SEL1L3: variants seen among roughly 807,000 people sequenced by gnomAD.
SEL1L3 encodes the protein SEL1L family member 3.
A neutral mutation model predicts 142.8 loss-of-function variants in SEL1L3; 76 were observed. That is an observed-to-expected ratio of 0.53 (90% CI 0.44 to 0.64). The LOEUF is 0.64. Ranked by LOEUF, SEL1L3 falls within the 30% of genes least tolerant of loss-of-function variation. The probability of loss-of-function intolerance (pLI) is 0.00; values close to 1 mark genes in which losing one functional copy is unlikely to be tolerated. For synonymous variants in SEL1L3, 504 were observed against 519.6 expected (o/e 0.97, Z 0.41); for missense variants, 1,262 against 1,381.7 (o/e 0.91, Z 1.37).
rs554097117 is a variant in SEL1L3, at chr4:25,792,952, T to C, written c.1957-2378A>G. On this transcript the variant is annotated intron_variant, in intron 11 of 23. Transcript: ENST00000399878. ...AGACACAGTTCCTACCCTGCAGTGA[T>C]TGATATTCTTAGGTCTTTCTGTCAG... 7.2e-5 allele frequency among the ~76,000 whole-genome samples: 11 copies of C among 152,358 alleles called. No homozygotes were observed. The East Asian group carries it at 1.9e-3, about 27-fold the overall frequency.
intron 2 of SEL1L3, among the ~76,000 whole-genome samples, chr4:25,841,206 G>A (rs953183691): frequency 5.3e-5 from 8 of 152,050 alleles, no homozygotes; most frequent in African/African-American, 1.4e-4. Context: ...CTAATTTTCT[G>A]TATTTTTAGT....
At chr4:25,777,309 G>T (rs1169164997) in intron 16 of SEL1L3, among the ~76,000 whole-genome samples, 1 of 152,064 alleles carries the variant, frequency 6.6e-6, no homozygotes, top group South Asian at 2.1e-4. Flanking sequence ...AAATCTATGT[G>T]ATCTAATAGC....
intron 6 of SEL1L3, among the ~76,000 whole-genome samples, chr4:25,822,619 G>A (rs898753540): frequency 5.9e-5 from 9 of 152,182 alleles, no homozygotes; most frequent in African/African-American, 1.4e-4. Flanking sequence ...AGCCAAAAGC[G>A]TAGACTATTA....
chr4:25,761,925 T>C (rs1420349848), intron 20 of SEL1L3, among the ~76,000 whole-genome samples: 2 of 152,336 alleles, frequency 1.3e-5, no homozygotes, highest in African/African-American at 2.4e-5. Context: ...TGCTATCATG[T>C]AGTCATAAAA....
chr4:25,795,841 C>T (rs1712698300), intron 11 of SEL1L3, among the ~76,000 whole-genome samples: 1 of 151,992 alleles, frequency 6.6e-6, no homozygotes, highest in South Asian at 2.1e-4. Context: ...CAGGAATGAC[C>T]TTTAAAAGGA....
At chr4:25,811,683 C>CA (rs1224428452) in intron 9 of SEL1L3, among the ~76,000 whole-genome samples, 4 of 149,418 alleles carry the variant, frequency 2.7e-5, no homozygotes, top group Non-Finnish European at 5.9e-5. Context: ...AACAAACAAA[C>CA]AAAAAACAAC....
At chr4:25,811,314 A>C (rs891346351) in intron 9 of SEL1L3, among the ~76,000 whole-genome samples, 3 of 152,224 alleles carry the variant, frequency 2.0e-5, no homozygotes, top group Admixed American at 2.0e-4. Context: ...TTGACAGCGG[A>C]AAGCTGGCAA....
intron 6 of SEL1L3, among the ~76,000 whole-genome samples, chr4:25,828,512 G>A (rs1321091586): frequency 6.6e-6 from 1 of 151,082 alleles, no homozygotes; most frequent in Admixed American, 6.6e-5. Context: ...TCAGCCTTAA[G>A]TAGCTGGGAT....
chr4:25,828,801 C>T (rs751736655), intron 6 of SEL1L3, among the ~76,000 whole-genome samples: 3 of 152,054 alleles, frequency 2.0e-5, no homozygotes, highest in Non-Finnish European at 4.4e-5. Context: ...TTGGGTTGTG[C>T]GGGACTCTGC....
At chr4:25,716,757 AT>A in the SEL1L3 span, among the ~76,000 whole-genome samples, 2 of 152,216 alleles carry the variant, frequency 1.3e-5, no homozygotes, top group Admixed American at 1.3e-4. Context: ...AAACATTCAA[AT>A]AATTCTATGT....
intron 11 of SEL1L3, among the ~76,000 whole-genome samples, chr4:25,795,934 A>G (rs1409706788): frequency 1.3e-5 from 2 of 152,038 alleles, no homozygotes; most frequent in East Asian, 3.9e-4. Flanking sequence ...GAAAAAAAAA[A>G]AAATCACTGG....
At chr4:25,846,882 C>G (rs984834672) in intron 2 of SEL1L3, among the ~76,000 whole-genome samples, 1 of 121,858 alleles carries the variant, frequency 8.2e-6, no homozygotes, top group Non-Finnish European at 1.6e-5. Flanking sequence ...CACTGCACTC[C>G]AGCCTGGGCA....
chr4:25,725,135 A>G, the SEL1L3 span, among the ~76,000 whole-genome samples: 44 of 152,180 alleles, frequency 2.9e-4, no homozygotes, highest in Non-Finnish European at 2.1e-4. Context: ...AATAACAAGG[A>G]AAGTGTTACC....
chr4:25,841,522 G>C (rs1396591209), intron 2 of SEL1L3, among the ~76,000 whole-genome samples: 1 of 152,214 alleles, frequency 6.6e-6, no homozygotes, highest in Admixed American at 6.5e-5. Context: ...TAATGAATAA[G>C]TGTGGGGTTT....
chr4:25,793,558 GC>G (rs59804365), intron 11 of SEL1L3, among the ~76,000 whole-genome samples: 30,926 of 151,990 alleles, frequency 0.2, 3,250 homozygotes, highest in Admixed American at 0.3. Context: ...AACCTGGCCT[GC>G]CCCACTGCCC....
chr4:25,714,281 T>C, the SEL1L3 span, among the ~76,000 whole-genome samples: 8 of 152,106 alleles, frequency 5.3e-5, no homozygotes, highest in Non-Finnish European at 1.2e-4. Context: ...TCATTTTCTA[T>C]GTGAAAATGA....
rs1038834372 is a variant in SEL1L3 at position 25,814,060 on chromosome 4, G to A, written c.1564+4078C>T. 2.6e-5 allele frequency among the ~76,000 whole-genome samples: 4 copies of A among 152,288 alleles called. 1 individual carries two copies. The highest frequency in any genetic ancestry group is 5.9e-5 in the Non-Finnish European group (4 of 68,040). On this transcript the variant is annotated intron_variant, in intron 9 of 23. Coordinates refer to ENST00000399878, the MANE Select transcript of SEL1L3 (RefSeq NM_015187.5). ...GCATATGTAGCGGCCTGGAAGTGGA[G>A]TGCTGGCTGTGTCTATGAAGAAAAG...
At chr4:25,763,529 C>T (rs1193633372) in intron 20 of SEL1L3, among the ~76,000 whole-genome samples, 1 of 151,906 alleles carries the variant, frequency 6.6e-6, no homozygotes, top group East Asian at 1.9e-4. Context: ...CGATGTTGTA[C>T]CTCCATTAAA....
intron 17 of SEL1L3, among the ~76,000 whole-genome samples, chr4:25,771,034 T>A (rs146634077): frequency 7.9e-4 from 121 of 152,382 alleles, no homozygotes; most frequent in African/African-American, 2.8e-3. Flanking sequence ...TCTGAGACAA[T>A]GCCTCTGCAG....
Sources: gnomAD v4.1 joint callset for allele counts (sites outside exome capture counted in the v4.1 genomes callset) on GRCh38, gnomAD v4.1.1 for gene constraint, MANE v1.5 for transcripts, NCBI Gene and HGNC (gene_info 2026-07-23, HGNC 2026-07-21) for gene names.